RGSL1: variants seen among roughly 807,000 people sequenced by gnomAD.
The protein encoded by RGSL1 is regulator of G protein signaling protein-like.
RGSL1 carries 97 observed loss-of-function variants against 124.7 expected under a neutral mutation model. That is an observed-to-expected ratio of 0.78 (90% CI 0.66 to 0.92). The LOEUF is 0.92. Among genes scored for constraint, RGSL1 ranks in the 40% least tolerant of loss-of-function variants. RGSL1 has a pLI of 0.00. For synonymous variants in RGSL1, 424 were observed against 438.1 expected (o/e 0.97, Z 0.40); for missense variants, 1,233 against 1,288.4 (o/e 0.96, Z 0.66).
intron 15 of RGSL1, among the ~76,000 whole-genome samples, chr1:182,545,521 C>T (rs1373150368): frequency 6.6e-6 from 1 of 152,078 alleles, no homozygotes; most frequent in Admixed American, 6.6e-5. Context: ...CAAAGGCTTC[C>T]TTCTTGCGTG....
At chr1:182,469,390 G>T (rs1653628858) in intron 4 of RGSL1, among the ~76,000 whole-genome samples, 1 of 152,098 alleles carries the variant, frequency 6.6e-6, no homozygotes, top group South Asian at 2.1e-4. Flanking sequence ...AAGATATACA[G>T]ATAGCCAATA....
chr1:182,483,438 A>T (rs1481897280), intron 6 of RGSL1, among the ~76,000 whole-genome samples: 1 of 152,132 alleles, frequency 6.6e-6, no homozygotes, highest in Non-Finnish European at 1.5e-5. Flanking sequence ...TAAAGGACTT[A>T]AAAATAATTT....
rs768115741 is a variant in RGSL1 at position 182,473,833 on chromosome 1, A to G, written c.722A>G (p.His241Arg). Residue 241 changes from histidine to arginine, a missense_variant, in exon 6 of 22, where the codon CAC (histidine) becomes CGC (arginine). Transcript: ENST00000294854. Reference protein sequence around the residue: ...PLNMSIKKCHHFQKRYSSRKA... With the variant: ...PLNMSIKKCHRFQKRYSSRKA... The stretch of plus-strand genomic sequence containing the variant: ...AACATGAGCATCAAGAAGTGCCACC[A>G]CTTTCAGAAACGGTACTCAAGCAGG... 15 of 1,551,710 alleles carry G rather than the reference A, an allele frequency of 9.7e-6. No homozygotes were observed. In the South Asian group the frequency reaches 1.4e-4, roughly 15 times the overall value.
chr1:182,522,100 T>A lies in RGSL1; in HGVS notation c.1922T>A (p.Met641Lys), dbSNP rs971896491. The change falls in exon 10 of 22, where the codon ATG becomes AAG. Residue 641 changes from methionine to lysine, a missense_variant. Coordinates refer to ENST00000294854, the MANE Select transcript of RGSL1 (RefSeq NM_001137669.2). Reference protein sequence around the residue: ...LKRTLVRKPSMRPRNLTEVLL... With the variant: ...LKRTLVRKPSKRPRNLTEVLL... ...AGAACTCTTGTAAGGAAGCCATCAA[T>A]GAGACCCAGGTGAGATATAGAATCT... is the stretch of plus-strand genomic sequence containing the variant. 1.6e-5 allele frequency: 24 copies of A among 1,547,932 alleles called. No homozygotes were observed. The highest frequency in any genetic ancestry group is 2.0e-5 in the Non-Finnish European group (23 of 1,144,874).
chr1:182,476,262 G>T, intron 6 of RGSL1, among the ~76,000 whole-genome samples: 1 of 152,160 alleles, frequency 6.6e-6, no homozygotes, highest in East Asian at 1.9e-4. Context: ...TGTGCTTTCT[G>T]GATCAGCAGA....
intron 4 of RGSL1, among the ~76,000 whole-genome samples, chr1:182,460,978 A>G (rs1352881292): frequency 6.6e-6 from 1 of 152,156 alleles, no homozygotes; most frequent in East Asian, 1.9e-4. Flanking sequence ...AATATTAAGG[A>G]TCTGTGCTCC....
chr1:182,492,791 G>A (rs567474914), intron 8 of RGSL1, among the ~76,000 whole-genome samples: 13 of 151,956 alleles, frequency 8.6e-5, no homozygotes, highest in African/African-American at 2.9e-4. Context: ...ACCATACCCG[G>A]CTAATTTTTT....
intron 14 of RGSL1, among the ~76,000 whole-genome samples, chr1:182,539,583 A>G (rs1659755708): frequency 6.8e-6 from 1 of 147,614 alleles, no homozygotes; most frequent in Non-Finnish European, 1.5e-5. Flanking sequence ...TTCTGAAACC[A>G]GCCAGATAAC....
At chr1:182,549,061 C>A (rs76417023) in intron 17 of RGSL1, 1 of 423,420 alleles carries the variant, frequency 2.4e-6, no homozygotes, top group Non-Finnish European at 4.2e-6. Flanking sequence ...TTTCCCACCC[C>A]TCCTCTTTCT....
chr1:182,511,987 A>G (rs1331651912), intron 9 of RGSL1, among the ~76,000 whole-genome samples: 1 of 151,986 alleles, frequency 6.6e-6, no homozygotes, highest in Non-Finnish European at 1.5e-5. Flanking sequence ...TATATTTTAT[A>G]TTTTTGTAGC....
intron 9 of RGSL1, among the ~76,000 whole-genome samples, chr1:182,505,397 A>G (rs1656739566): frequency 6.6e-6 from 1 of 152,040 alleles, no homozygotes; most frequent in African/African-American, 2.4e-5. Flanking sequence ...GTATGTGGAC[A>G]ATTTAAAATG....
Position 182,531,894 on chromosome 1 carries a change from A to G in RGSL1, c.2365-768A>G, listed in dbSNP as rs141711416. Among the ~76,000 whole-genome samples, 64 of 152,342 alleles carry G rather than the reference A, an allele frequency of 4.2e-4. 2 individuals are homozygous for G. Among genetic ancestry groups the G allele is most frequent in the South Asian group, 6.2e-4 (3 of 4,828 alleles). On this transcript the variant is annotated intron_variant, in intron 13 of 21. Transcript: ENST00000294854. Reference sequence around the variant, plus strand: ...TTGTTTCTATCTTACACATGGAGACATTGAGACATAGGTTAAGTAACTTGA... The same window carrying G: ...TTGTTTCTATCTTACACATGGAGACGTTGAGACATAGGTTAAGTAACTTGA...
chr1:182,510,557 A>G (rs1267870845), intron 9 of RGSL1, among the ~76,000 whole-genome samples: 1 of 57,178 alleles, frequency 1.7e-5, no homozygotes, highest in East Asian at 2.8e-4. Flanking sequence ...AATCGCAGGC[A>G]CTCGGCAGGC....
chr1:182,533,578 G>A (rs969418586), intron 14 of RGSL1, among the ~76,000 whole-genome samples: 1 of 152,182 alleles, frequency 6.6e-6, no homozygotes, highest in Non-Finnish European at 1.5e-5. Context: ...AGCCACAGAT[G>A]TTGGAGCCGG....
At chr1:182,529,216 C>G (rs1473874432) in intron 11 of RGSL1, among the ~76,000 whole-genome samples, 2 of 152,020 alleles carry the variant, frequency 1.3e-5, no homozygotes, top group Non-Finnish European at 2.9e-5. Context: ...TATTTAATCC[C>G]TGTAATATAG....
At position 182,521,991 on chromosome 1, in the gene RGSL1, ATT is replaced by A; in HGVS notation, c.1826-4_1826-3del. 2 of 1,203,432 alleles carry A rather than the reference ATT, an allele frequency of 1.7e-6. No homozygotes were observed. The highest frequency in any genetic ancestry group is 1.5e-5 in the South Asian group (1 of 65,038). The allele number at this position is 1,203,432 out of a possible 1,614,324, so 74.5% of individuals were successfully genotyped here. ...TAATATAGTGTTCTCCAACTTAGTG[ATT>A]TTTTTTTTAGATTTTAAAATGGAAA... On this transcript the variant is annotated splice_polypyrimidine_tract_variant and intron_variant, in intron 9 of 21. Coordinates refer to ENST00000294854, the MANE Select transcript of RGSL1 (RefSeq NM_001137669.2).
At chr1:182,515,560 GGCGGGGTGGA>G (rs1657814092) in intron 9 of RGSL1, among the ~76,000 whole-genome samples, 3 of 141,602 alleles carry the variant, frequency 2.1e-5, no homozygotes, top group Non-Finnish European at 4.7e-5. Flanking sequence ...AAAAGGGGGG[GGCGGGGTGGA>G]GGGCGTGGGG....
chr1:182,480,961 T>C (rs1654661267), intron 6 of RGSL1, among the ~76,000 whole-genome samples: 1 of 152,074 alleles, frequency 6.6e-6, no homozygotes, highest in Non-Finnish European at 1.5e-5. Context: ...GCAAAAGCAG[T>C]ACTAAGATGG....
chr1:182,453,840 G>A (rs1221809372), intron 1 of RGSL1, 118 bp from the exon 2 acceptor site: 7 of 649,614 alleles, frequency 1.1e-5, no homozygotes, highest in Non-Finnish European at 1.9e-5. Context: ...TGACCCTAGA[G>A]GCTGTCATCA....
Sources: allele counts gnomAD v4.1 joint callset (sites outside exome capture counted in the v4.1 genomes callset), GRCh38; gene constraint gnomAD v4.1.1; transcripts MANE v1.5; gene names NCBI Gene and HGNC (gene_info 2026-07-23, HGNC 2026-07-21).